The following ZNF804B variants were observed in gnomAD, a reference collection of about 807,000 sequenced individuals.
ZNF804B encodes the protein zinc finger protein 804B.
In ZNF804B, 80 loss-of-function variants were observed where a neutral mutation model predicts 101.4. That is an observed-to-expected ratio of 0.79 (90% CI 0.66 to 0.95). The LOEUF (loss-of-function observed/expected upper bound fraction) is 0.95. ZNF804B is among the 40% of genes least tolerant of loss of function. The pLI, the probability that ZNF804B is intolerant of heterozygous loss-of-function variation, is 0.00. For missense variants in ZNF804B, 1,673 were observed against 1,561.9 expected, an observed-to-expected ratio of 1.07 and a Z score of -1.20; for synonymous variants, 622 against 558.8, an observed-to-expected ratio of 1.11 and a Z score of -1.59.
intron 1 of ZNF804B, among the ~76,000 whole-genome samples, chr7:88,951,228 A>G (rs113933660): frequency 7.2e-5 from 11 of 151,968 alleles, no homozygotes; most frequent in African/African-American, 2.6e-4. Context: ...CTGCTATTCC[A>G]CATTTAATGC....
chr7:89,261,520 CAT>C (rs1275202030), intron 2 of ZNF804B, among the ~76,000 whole-genome samples: 1 of 152,104 alleles, frequency 6.6e-6, no homozygotes, highest in African/African-American at 2.4e-5. Context: ...CAATAGTACA[CAT>C]ACAGTCATGC....
chr7:88,828,552 C>T (rs1013452846), intron 1 of ZNF804B, among the ~76,000 whole-genome samples: 1 of 152,106 alleles, frequency 6.6e-6, no homozygotes, highest in Non-Finnish European at 1.5e-5. Context: ...AACATCATTT[C>T]CTGAGTCATT....
At chr7:89,117,868 G>A (rs1368369104) in intron 1 of ZNF804B, among the ~76,000 whole-genome samples, 1 of 151,974 alleles carries the variant, frequency 6.6e-6, no homozygotes, top group Non-Finnish European at 1.5e-5. Context: ...TACATTTTGA[G>A]TTTGGTAACA....
At chr7:88,803,645 T>C (rs1790641907) in intron 1 of ZNF804B, among the ~76,000 whole-genome samples, 1 of 152,096 alleles carries the variant, frequency 6.6e-6, no homozygotes. Context: ...TTTCTTTAAA[T>C]AAAGATGGAA....
chr7:88,806,186 G>T (rs1414242531), intron 1 of ZNF804B, among the ~76,000 whole-genome samples: 1 of 151,998 alleles, frequency 6.6e-6, no homozygotes, highest in Non-Finnish European at 1.5e-5. Flanking sequence ...ATCATACAAG[G>T]TGAATAAAAG....
intron 2 of ZNF804B, among the ~76,000 whole-genome samples, chr7:89,279,850 G>C (rs902403205): frequency 1.3e-5 from 2 of 151,900 alleles, no homozygotes; most frequent in Admixed American, 6.6e-5. Context: ...TTGGTATCAG[G>C]GTGATGCGGG....
At chr7:89,194,213 G>A (rs1157389375) in intron 1 of ZNF804B, among the ~76,000 whole-genome samples, 1 of 151,992 alleles carries the variant, frequency 6.6e-6, no homozygotes, top group Non-Finnish European at 1.5e-5. Flanking sequence ...CTGGATATTA[G>A]CCCTTTGTCG....
intron 1 of ZNF804B, among the ~76,000 whole-genome samples, chr7:88,781,239 G>A (rs960196135): frequency 6.6e-6 from 1 of 152,154 alleles, no homozygotes; most frequent in African/African-American, 2.4e-5. Context: ...CATACTAATA[G>A]AAGTTAATTA....
intron 1 of ZNF804B, among the ~76,000 whole-genome samples, chr7:88,786,264 A>G (rs773840085): frequency 1.3e-5 from 2 of 152,136 alleles, no homozygotes; most frequent in Non-Finnish European, 2.9e-5. Flanking sequence ...AGTAGATGCT[A>G]TACCAGTGAA....
chr7:89,110,186 G>C (rs1790196249), intron 1 of ZNF804B, among the ~76,000 whole-genome samples: 2 of 152,090 alleles, frequency 1.3e-5, no homozygotes, highest in Non-Finnish European at 2.9e-5. Flanking sequence ...AGGTGTACCA[G>C]GTGTGTTGTA....
chr7:88,910,170 C>T (rs1405310420), intron 1 of ZNF804B, among the ~76,000 whole-genome samples: 1 of 151,854 alleles, frequency 6.6e-6, no homozygotes, highest in African/African-American at 2.4e-5. Context: ...ACACAGCAAG[C>T]TTAACCTGAA....
intron 1 of ZNF804B, among the ~76,000 whole-genome samples, chr7:88,872,183 C>G (rs1179124839): frequency 6.6e-6 from 1 of 152,116 alleles, no homozygotes; most frequent in Non-Finnish European, 1.5e-5. Context: ...ATAAAATAGG[C>G]AAACACATTT....
At chr7:89,182,998 G>A (rs1389040268) in intron 1 of ZNF804B, among the ~76,000 whole-genome samples, 1 of 152,150 alleles carries the variant, frequency 6.6e-6, no homozygotes, top group East Asian at 1.9e-4. Flanking sequence ...AAGAAATTAA[G>A]AAATTGATAC....
At chr7:89,088,780 T>C (rs1324469195) in intron 1 of ZNF804B, among the ~76,000 whole-genome samples, 1 of 151,708 alleles carries the variant, frequency 6.6e-6, no homozygotes, top group Non-Finnish European at 1.5e-5. Flanking sequence ...AGTTAACACC[T>C]TGTGGAGGCA....
At chr7:89,025,238 T>C (rs1213884465) in intron 1 of ZNF804B, among the ~76,000 whole-genome samples, 3 of 152,110 alleles carry the variant, frequency 2.0e-5, no homozygotes, top group African/African-American at 7.2e-5. Flanking sequence ...TTTTTGCTCT[T>C]ATGTGGAATT....
chr7:89,141,666 T>C (rs940008735), intron 1 of ZNF804B, among the ~76,000 whole-genome samples: 23 of 152,010 alleles, frequency 1.5e-4, no homozygotes, highest in Non-Finnish European at 2.6e-4. Flanking sequence ...TTTACCACTT[T>C]ATATTCCTAC....
At chr7:88,967,129 T>G (rs1339965571) in intron 1 of ZNF804B, among the ~76,000 whole-genome samples, 1 of 151,522 alleles carries the variant, frequency 6.6e-6, no homozygotes, top group African/African-American at 2.4e-5. Flanking sequence ...AAAGGAAAGA[T>G]GAAGGAGATG....
chr7:88,894,253 G>T (rs1214657113), intron 1 of ZNF804B, among the ~76,000 whole-genome samples: 1 of 149,434 alleles, frequency 6.7e-6, no homozygotes. Context: ...CACTCTTGTT[G>T]CCCAGGCTGG....
intron 1 of ZNF804B, among the ~76,000 whole-genome samples, chr7:89,134,129 A>C (rs531668652): frequency 9.9e-5 from 15 of 152,198 alleles, no homozygotes; most frequent in African/African-American, 3.6e-4. Flanking sequence ...ATAAGCAAAC[A>C]AAAAATACCC....
Sources: gnomAD v4.1 joint callset for allele counts (sites outside exome capture counted in the v4.1 genomes callset) on GRCh38, gnomAD v4.1.1 for gene constraint, MANE v1.5 for transcripts, NCBI Gene and HGNC (gene_info 2026-07-23, HGNC 2026-07-21) for gene names.